CDH18: variants seen among roughly 807,000 people sequenced by gnomAD.
CDH18 encodes cadherin 18.
In CDH18, 31 loss-of-function variants were observed where a neutral mutation model predicts 67.9. The observed-to-expected ratio is 0.46, with a 90% CI of 0.34 to 0.62. The LOEUF is 0.62. Ranked by LOEUF, CDH18 falls within the 20% of genes least tolerant of loss-of-function variation. The pLI is 0.01. For synonymous variants in CDH18, 362 were observed against 347.2 expected, an observed-to-expected ratio of 1.04 and a Z score of -0.48; for missense variants, 890 against 975.5, an observed-to-expected ratio of 0.91 and a Z score of 1.17.
rs70950073 is a variant in CDH18, at chr5:19,490,394, G to GTTTTTTTTTTTTTTTT, written c.1631-6858_1631-6843dup. Reference sequence around the variant, plus strand: ...TGATATATCACATATATAAAAATCTGTTTTTTTTTTTTTTTTTTTTTTTTT... The same window carrying GTTTTTTTTTTTTTTTT: ...TGATATATCACATATATAAAAATCTGTTTTTTTTTTTTTTTTTTTTTTTTTTTTTTTTTTTTTTTTT... On this transcript the variant is annotated intron_variant, in intron 11 of 12. Coordinates refer to ENST00000382275, the MANE Select transcript of CDH18 (RefSeq NM_004934.5). 4.2e-4 allele frequency among the ~76,000 whole-genome samples: 25 copies of GTTTTTTTTTTTTTTTT among 60,210 alleles called. 4 individuals are homozygous for GTTTTTTTTTTTTTTTT. Among genetic ancestry groups the GTTTTTTTTTTTTTTTT allele is most frequent in the African/African-American group, 1.2e-3 (18 of 14,916 alleles). The allele number at this position is 60,210 out of a possible 152,430, so 39.5% of individuals were successfully genotyped here.
intron 1 of CDH18, among the ~76,000 whole-genome samples, chr5:20,257,180 C>T (rs1744316415): frequency 6.6e-6 from 1 of 151,826 alleles, no homozygotes; most frequent in African/African-American, 2.4e-5. Flanking sequence ...AGTTTAATTC[C>T]AGGAACTAGT....
chr5:20,430,225 G>A (rs1037929711), intron 1 of CDH18, among the ~76,000 whole-genome samples: 1 of 152,164 alleles, frequency 6.6e-6, no homozygotes, highest in Non-Finnish European at 1.5e-5. Context: ...TATGAAGAAA[G>A]CATGCAATCC....
chr5:19,777,636 TC>T (rs1774553550), intron 3 of CDH18, among the ~76,000 whole-genome samples: 2 of 152,162 alleles, frequency 1.3e-5, no homozygotes, highest in Admixed American at 1.3e-4. Flanking sequence ...AGATGAAAGT[TC>T]CGTTCATCCT....
At chr5:20,400,921 C>T (rs1435765833) in intron 1 of CDH18, among the ~76,000 whole-genome samples, 2 of 152,140 alleles carry the variant, frequency 1.3e-5, no homozygotes, top group East Asian at 1.9e-4. Context: ...AATGTTTTCC[C>T]TCTTTTCATT....
intron 2 of CDH18, among the ~76,000 whole-genome samples, chr5:20,175,030 C>T (rs560181810): frequency 1.3e-5 from 2 of 152,194 alleles, no homozygotes; most frequent in East Asian, 3.9e-4. Flanking sequence ...CCAATATGGT[C>T]TAGACTGTGT....
At chr5:20,467,951 TTTG>T (rs1423814960) in intron 1 of CDH18, among the ~76,000 whole-genome samples, 1 of 151,906 alleles carries the variant, frequency 6.6e-6, no homozygotes, top group African/African-American at 2.4e-5. Context: ...TTTTTATTCC[TTTG>T]TTATTATTAT....
chr5:19,974,520 C>CAA lies in CDH18; in HGVS notation c.-257+6538_-257+6539dup, dbSNP rs70954626. On this transcript the variant is annotated intron_variant, in intron 2 of 12. Coordinates refer to ENST00000382275, the MANE Select transcript of CDH18 (RefSeq NM_004934.5). ...GGCGACAGAATGAGATCCTGTCTCC[C>CAA]AAAAAAAAAAAAAAAAAAAAAAAGA... Among the ~76,000 whole-genome samples, 92 of 78,082 alleles carry CAA rather than the reference C, an allele frequency of 1.2e-3. 1 individual carries two copies. Among genetic ancestry groups the CAA allele is most frequent in the Admixed American group, 2.5e-3 (15 of 6,072 alleles). 51.2% of individuals were successfully genotyped at this position (78,082 alleles called of 152,430 possible).
chr5:20,014,804 A>G (rs1737745130), intron 2 of CDH18, among the ~76,000 whole-genome samples: 1 of 152,166 alleles, frequency 6.6e-6, no homozygotes, highest in African/African-American at 2.4e-5. Flanking sequence ...GCATATAAGC[A>G]TTAAATGATT....
intron 5 of CDH18, among the ~76,000 whole-genome samples, chr5:19,650,555 C>G (rs1038520234): frequency 6.6e-6 from 1 of 151,982 alleles, no homozygotes; most frequent in Non-Finnish European, 1.5e-5. Context: ...ATAAAGAGGA[C>G]ACTCACACTT....
chr5:19,652,194 T>C (rs1303373415), intron 5 of CDH18, among the ~76,000 whole-genome samples: 1 of 152,056 alleles, frequency 6.6e-6, no homozygotes, highest in Non-Finnish European at 1.5e-5. Context: ...TGATATTCTT[T>C]AGAAGTCATA....
intron 2 of CDH18, among the ~76,000 whole-genome samples, chr5:20,147,555 G>A (rs192772347): frequency 1.6e-4 from 25 of 152,172 alleles, no homozygotes; most frequent in African/African-American, 5.3e-4. Context: ...GGAACAGTCC[G>A]TACACAATGG....
At chr5:19,790,586 A>G (rs188289348) in intron 3 of CDH18, among the ~76,000 whole-genome samples, 1 of 152,164 alleles carries the variant, frequency 6.6e-6, no homozygotes, top group Non-Finnish European at 1.5e-5. Flanking sequence ...GAGCTGTAAA[A>G]GCTAAAAGGA....
At chr5:20,403,341 G>A (rs1662229063) in intron 1 of CDH18, among the ~76,000 whole-genome samples, 1 of 152,080 alleles carries the variant, frequency 6.6e-6, no homozygotes, top group South Asian at 2.1e-4. Context: ...TATGTAAAGT[G>A]TGTGTCACTG....
intron 9 of CDH18, among the ~76,000 whole-genome samples, chr5:19,536,574 G>GCC (rs1210485547): frequency 2.0e-5 from 3 of 152,298 alleles, no homozygotes; most frequent in Admixed American, 6.5e-5. Flanking sequence ...GTTTGTCATA[G>GCC]GATTGGAACT....
chr5:19,940,255 AAT>A (rs1794681569), intron 2 of CDH18, among the ~76,000 whole-genome samples: 1 of 151,372 alleles, frequency 6.6e-6, no homozygotes, highest in Non-Finnish European at 1.5e-5. Flanking sequence ...TAGTAATAAT[AAT>A]ATATATTTTC....
chr5:19,943,231 T>C (rs1726396331), intron 2 of CDH18, among the ~76,000 whole-genome samples: 2 of 152,042 alleles, frequency 1.3e-5, no homozygotes, highest in Non-Finnish European at 2.9e-5. Flanking sequence ...ATCAGAGAAG[T>C]TAAAGGATTT....
At chr5:19,976,440 A>G (rs979886226) in intron 2 of CDH18, among the ~76,000 whole-genome samples, 15 of 152,112 alleles carry the variant, frequency 9.9e-5, no homozygotes, top group African/African-American at 3.6e-4. Flanking sequence ...GTAGTAAACT[A>G]ATGGTTATGA....
rs1484763467 is a variant in CDH18 at position 19,965,656 on chromosome 5, T to G, written c.-257+15404A>C. Among the ~76,000 whole-genome samples the G allele has an allele frequency of 2.0e-5, 3 of 152,178 alleles. No homozygotes were observed. In the South Asian group the frequency reaches 6.2e-4, roughly 31 times the overall value. On this transcript the variant is annotated intron_variant, in intron 2 of 12. Transcript: ENST00000382275. ...AATTACTGGGGAAAAGTACAAAAAC[T>G]ATACAGTATGTCAACAGTTTCACTG...
intron 1 of CDH18, among the ~76,000 whole-genome samples, chr5:20,285,409 T>C (rs1746616933): frequency 6.8e-6 from 1 of 146,662 alleles, no homozygotes; most frequent in Admixed American, 6.9e-5. Flanking sequence ...TAATATAATA[T>C]AATATAATAT....
Sources: gnomAD v4.1 joint callset for allele counts (sites outside exome capture counted in the v4.1 genomes callset) on GRCh38, gnomAD v4.1.1 for gene constraint, MANE v1.5 for transcripts, NCBI Gene and HGNC (gene_info 2026-07-23, HGNC 2026-07-21) for gene names.